The following GC variants were observed in gnomAD, a reference collection of about 807,000 sequenced individuals.
GC encodes GC vitamin D binding protein, also known as vitamin D-binding protein.
A neutral mutation model predicts 56.7 loss-of-function variants in GC; 43 were observed. The observed-to-expected ratio is 0.76, with a 90% CI of 0.59 to 0.98. The LOEUF (loss-of-function observed/expected upper bound fraction) is 0.98, where lower values mean the gene tolerates loss of function less well. Among genes scored for constraint, GC ranks in the 50% least tolerant of loss-of-function variants. The pLI, the probability that GC is intolerant of heterozygous loss-of-function variation, is 0.00. For synonymous variants in GC, 216 were observed against 202.7 expected (o/e 1.07, Z -0.56); for missense variants, 529 against 545.9 (o/e 0.97, Z 0.31).
intron 1 of GC, among the ~76,000 whole-genome samples, chr4:71,771,002 A>C (rs1199425902): frequency 1.3e-5 from 2 of 152,134 alleles, no homozygotes; most frequent in Non-Finnish European, 2.9e-5. Flanking sequence ...TGTTCTCCTA[A>C]CCTGACTCAT....
chr4:71,767,398 T>C (rs529747040), intron 3 of GC, among the ~76,000 whole-genome samples: 17 of 152,184 alleles, frequency 1.1e-4, no homozygotes, highest in African/African-American at 4.1e-4. Flanking sequence ...ATTTTAATTT[T>C]TGCATAAGTG....
At chr4:71,760,847 C>T (rs1469458054) in intron 6 of GC, among the ~76,000 whole-genome samples, 1 of 152,122 alleles carries the variant, frequency 6.6e-6, no homozygotes. Context: ...TGATTTGCTC[C>T]TCCTTGCCTT....
chr4:71,799,177 T>G (rs1434171809), intron 1 of GC, among the ~76,000 whole-genome samples: 3 of 152,186 alleles, frequency 2.0e-5, no homozygotes, highest in African/African-American at 7.2e-5. Flanking sequence ...TAGGGGCATA[T>G]AGCAAATGAA....
rs1195130574 is a variant in GC at position 71,758,187 on chromosome 4, T to C, written c.702-16A>G. ...TATGAGATTGCTAAACAGTTAAAAA[T>C]AAATATGTTAGCTTATCAACATTCT... is the stretch of plus-strand genomic sequence containing the variant. On this transcript the variant is annotated splice_polypyrimidine_tract_variant and intron_variant, in intron 6 of 12. Coordinates refer to ENST00000273951, the MANE Select transcript of GC (RefSeq NM_000583.4). The C allele has an allele frequency of 1.2e-6, 2 of 1,606,248 alleles. No individual in the cohort carries two copies. Among genetic ancestry groups the C allele is most frequent in the Non-Finnish European group, 1.7e-6 (2 of 1,174,776 alleles).
chr4:71,756,894 T>G lies in GC; in HGVS notation c.852A>C (p.Lys284Asn). The G allele has an allele frequency of 1.2e-6, 2 of 1,611,752 alleles. No homozygotes were observed. The highest frequency in any genetic ancestry group is 1.7e-6 in the Non-Finnish European group (2 of 1,177,954). Residue 284 changes from lysine to asparagine, a missense_variant, in exon 8 of 13, where the codon AAA (lysine) becomes AAC (asparagine). Lys to Asn is a moderately conservative substitution (Grantham distance 94). Coordinates refer to ENST00000273951, the MANE Select transcript of GC (RefSeq NM_000583.4). ...MAKELPEHTVKLCDNLSTKNS... is the reference protein window; with the variant it reads ...MAKELPEHTVNLCDNLSTKNS... The stretch of plus-strand genomic sequence containing the variant: ...TCTTTGTGGATAAATTGTCACAGAG[T>G]TTTACTGTGTGTTCAGGCAGCTACA...
chr4:71,764,051 A>G, intron 4 of GC, 115 bp from the exon 5 acceptor site: 1 of 741,836 alleles, frequency 1.3e-6, no homozygotes, highest in Non-Finnish European at 2.3e-6. Flanking sequence ...GTATAATCAT[A>G]GCTCACTGCA....
intron 6 of GC, among the ~76,000 whole-genome samples, chr4:71,761,992 G>A (rs1741994055): frequency 6.6e-6 from 1 of 152,168 alleles, no homozygotes; most frequent in Non-Finnish European, 1.5e-5. Flanking sequence ...CCCTACTGGG[G>A]CACTGCCTTA....
At chr4:71,781,616 T>C (rs936342916) in intron 1 of GC, among the ~76,000 whole-genome samples, 3 of 151,846 alleles carry the variant, frequency 2.0e-5, no homozygotes, top group Non-Finnish European at 2.9e-5. Flanking sequence ...TTACTTGGTT[T>C]CTTTGGAAGG....
In GC at chr4:71,765,579, G is replaced by C; in HGVS notation, c.326C>G (p.Ala109Gly). The C allele has an allele frequency of 6.2e-7, 1 of 1,613,576 alleles. No homozygotes were observed. Among genetic ancestry groups the C allele is most frequent in the South Asian group, 1.1e-5 (1 of 91,062 alleles). ...CAGGCCCTCTTTGGTGCAGCACTCA[G>C]CAGTGCCTGGGTGAACGGGGAATGG... is the stretch of plus-strand genomic sequence containing the variant. ...NSPFPVHPGT[A>G]ECCTKEGLER... Residue 109 changes from alanine (A) to glycine (G), a missense_variant, in exon 4 of 13, where the codon GCT becomes GGT. Coordinates refer to ENST00000273951, the MANE Select transcript of GC (RefSeq NM_000583.4).
At chr4:71,755,313 C>T (rs756109741) in intron 8 of GC, among the ~76,000 whole-genome samples, 1 of 151,962 alleles carries the variant, frequency 6.6e-6, no homozygotes, top group African/African-American at 2.4e-5. Flanking sequence ...TAGGCGCCCA[C>T]CACCATGCCC....
In GC at chr4:71,767,429, A is replaced by C. The variant is rs142046684; in HGVS notation, c.261+872T>G. Among the ~76,000 whole-genome samples the C allele has an allele frequency of 1.1e-3, 166 of 152,154 alleles. 2 individuals are homozygous for C. Among genetic ancestry groups the C allele is most frequent in the African/African-American group, 3.8e-3 (156 of 41,538 alleles). On this transcript the variant is annotated intron_variant, in intron 3 of 12. Transcript: ENST00000273951. ...AAGTGCTATAGGGGAGAAACCTAGA[A>C]TTCAGTTATGTGCATACAGGGCAAC...
upstream of GC, among the ~76,000 whole-genome samples, chr4:71,788,856 C>T (rs1235300193): frequency 1.3e-5 from 2 of 151,880 alleles, no homozygotes; most frequent in African/African-American, 4.8e-5. Context: ...CCATAATAAT[C>T]ACTGTTAAAT....
chr4:71,786,576 C>A (rs1043296249), upstream of GC, among the ~76,000 whole-genome samples: 1 of 151,718 alleles, frequency 6.6e-6, no homozygotes, highest in Non-Finnish European at 1.5e-5. Flanking sequence ...AGCCTCTTTC[C>A]CTCTTTCCTC....
At chr4:71,780,987 A>G (rs1421262062) in intron 1 of GC, among the ~76,000 whole-genome samples, 3 of 152,180 alleles carry the variant, frequency 2.0e-5, no homozygotes, top group African/African-American at 7.2e-5. Flanking sequence ...AACCAACCCA[A>G]ATGTCCATCA....
chr4:71,780,763 A>G (rs1742649399), intron 1 of GC, among the ~76,000 whole-genome samples: 1 of 152,208 alleles, frequency 6.6e-6, no homozygotes, highest in Admixed American at 6.5e-5. Flanking sequence ...GTGGAGACAC[A>G]GGAACACTTC....
upstream of GC, among the ~76,000 whole-genome samples, chr4:71,788,831 A>G (rs756708142): frequency 3.3e-5 from 5 of 151,944 alleles, no homozygotes; most frequent in African/African-American, 7.2e-5. Flanking sequence ...TTATTGGTCA[A>G]TGGAATGCAG....
chr4:71,796,465 G>A (rs1743109123), intron 1 of GC, among the ~76,000 whole-genome samples: 1 of 152,270 alleles, frequency 6.6e-6, no homozygotes, highest in African/African-American at 2.4e-5. Context: ...AGCCACTGAA[G>A]CTTGTAGATG....
chr4:71,753,928 A>G (rs1741635771), intron 10 of GC, among the ~76,000 whole-genome samples: 1 of 152,152 alleles, frequency 6.6e-6, no homozygotes, highest in Non-Finnish European at 1.5e-5. Flanking sequence ...TTTTGACTCA[A>G]GTTCCTGCAG....
In GC at chr4:71,763,859, G is replaced by A; in HGVS notation, c.551C>T (p.Ser184Phe). The A allele has an allele frequency of 6.2e-7, 1 of 1,610,602 alleles. No individual in the cohort carries two copies. Among genetic ancestry groups the A allele is most frequent in the Non-Finnish European group, 8.5e-7 (1 of 1,176,778 alleles). ...LLVSYTKSYL[S>F]MVGSCCTSAS... ...AGAGGTACAGCAGGACCCTACCATA[G>A]AAAGATAACTCTTGGTGTAACTGAC... Residue 184 changes from serine to phenylalanine, a missense_variant, in exon 5 of 13, where the codon TCT (serine) becomes TTT (phenylalanine). Physicochemically the swap from Ser to Phe is radical, Grantham distance 155. Coordinates refer to ENST00000273951, the MANE Select transcript of GC (RefSeq NM_000583.4).
Sources: gnomAD v4.1 joint callset for allele counts (sites outside exome capture counted in the v4.1 genomes callset) on GRCh38, gnomAD v4.1.1 for gene constraint, MANE v1.5 for transcripts, NCBI Gene and HGNC (gene_info 2026-07-23, HGNC 2026-07-21) for gene names.